Variants in RBFOX2 observed in about 807,000 individuals in gnomAD.
The protein encoded by RBFOX2 is RNA binding fox-1 homolog 2.
In RBFOX2, 10 loss-of-function variants were observed where a neutral mutation model predicts 49.1. That is an observed-to-expected ratio of 0.20 (90% CI 0.13 to 0.35). The LOEUF is 0.35. Ranked by LOEUF, RBFOX2 falls within the 10% of genes least tolerant of loss-of-function variation. The pLI, the probability that RBFOX2 is intolerant of heterozygous loss-of-function variation, is 1.00. For synonymous variants in RBFOX2, 183 were observed against 187.4 expected, an observed-to-expected ratio of 0.98 and a Z score of 0.19; for missense variants, 323 against 486.9, an observed-to-expected ratio of 0.66 and a Z score of 3.17.
intron 1 of RBFOX2, among the ~76,000 whole-genome samples, chr22:35,877,839 T>C (rs1205112059): frequency 6.6e-6 from 1 of 152,032 alleles, no homozygotes; most frequent in East Asian, 1.9e-4. Context: ...ATTCTATAGT[T>C]ACTAAGTATT....
chr22:35,776,731 A>T lies in RBFOX2; in HGVS notation c.453+1294T>A, dbSNP rs1193587822. ...TGACCAAATGAAAATTAACTAAAAA[A>T]TTGCTCTAACCTAACAAATGAAAGT... is the stretch of plus-strand genomic sequence containing the variant. On this transcript the variant is annotated intron_variant, in intron 4 of 11. Coordinates refer to ENST00000405409, the Ensembl canonical transcript of RBFOX2. Among the ~76,000 whole-genome samples the T allele has an allele frequency of 2.6e-5, 4 of 152,360 alleles. No individual in the cohort carries two copies. In the East Asian group the frequency reaches 7.7e-4, roughly 29 times the overall value.
At chr22:35,941,680 C>T (rs1020706139), upstream of RBFOX2, among the ~76,000 whole-genome samples, 12 of 152,110 alleles carry the variant, frequency 7.9e-5, no homozygotes, top group African/African-American at 2.9e-4. Flanking sequence ...TCCCAGAGGA[C>T]ATCCCACATA....
chr22:35,915,312 C>T (rs1373819771), intron 1 of RBFOX2, among the ~76,000 whole-genome samples: 1 of 152,146 alleles, frequency 6.6e-6, no homozygotes, highest in African/African-American at 2.4e-5. Context: ...AGGACGGGGC[C>T]ACTTAACTAA....
rs1208254230 is a variant in RBFOX2 at position 35,882,192 on chromosome 22, G to C, written c.-34+56655C>G. On this transcript the variant is annotated intron_variant, in intron 1 of 13. Transcript: ENST00000359369. The stretch of plus-strand genomic sequence containing the variant: ...CTGAGTACAAACTTCCAAAGAGGTG[G>C]GAAGAAAATCAGGAAAGTATGATGT... 2.6e-5 allele frequency among the ~76,000 whole-genome samples: 4 copies of C among 152,190 alleles called. No homozygotes were observed. The East Asian group carries it at 7.7e-4, about 29-fold the overall frequency.
intron 1 of RBFOX2, among the ~76,000 whole-genome samples, chr22:35,908,144 C>T (rs960779623): frequency 5.3e-5 from 8 of 152,156 alleles, no homozygotes; most frequent in Non-Finnish European, 1.5e-5. Flanking sequence ...AAAATTTTAA[C>T]TTAACCATTC....
intron 1 of RBFOX2, among the ~76,000 whole-genome samples, chr22:35,918,337 G>A (rs1473371536): frequency 3.3e-5 from 5 of 152,134 alleles, no homozygotes; most frequent in Non-Finnish European, 7.3e-5. Flanking sequence ...GTAATTAACA[G>A]GAATCAACAG....
upstream of RBFOX2, among the ~76,000 whole-genome samples, chr22:35,845,201 G>A (rs138484601): frequency 1.5e-3 from 233 of 152,196 alleles, 4 homozygotes; most frequent in East Asian, 4.6e-3. Context: ...CTAACTAAGT[G>A]TAAATAACAA....
intron 2 of RBFOX2, among the ~76,000 whole-genome samples, chr22:35,804,127 A>C (rs975556895): frequency 1.3e-5 from 2 of 152,054 alleles, no homozygotes; most frequent in Admixed American, 6.5e-5. Context: ...AAAATACAAA[A>C]ATGAGCTGGG....
intron 1 of RBFOX2, among the ~76,000 whole-genome samples, chr22:35,974,862 C>G (rs547826635): frequency 1.3e-5 from 2 of 152,250 alleles, no homozygotes; most frequent in Non-Finnish European, 2.9e-5. Context: ...CCTGCAGCCT[C>G]ATCTTTTCCC....
chr22:35,833,857 A>G (rs1160452792), intron 1 of RBFOX2, among the ~76,000 whole-genome samples: 1 of 152,146 alleles, frequency 6.6e-6, no homozygotes, highest in Non-Finnish European at 1.5e-5. Flanking sequence ...CACTTAAGAC[A>G]ATGCTTAATG....
At chr22:35,767,267 T>C (rs1003966080) in intron 5 of RBFOX2, among the ~76,000 whole-genome samples, 1 of 152,184 alleles carries the variant, frequency 6.6e-6, no homozygotes, top group African/African-American at 2.4e-5. Context: ...TCACATTTTG[T>C]AGTGTTAATG....
Position 35,744,083 on chromosome 22 carries a change from T to TG in RBFOX2, c.*111_*112insC, listed in dbSNP as rs1297855332. On this transcript the variant is annotated 3_prime_UTR_variant, in exon 12 of 12. Transcript: ENST00000405409. Reference sequence around the variant, plus strand: ...GTATTCTTTCTTTTTTTGTGTTTTTTTTTGTTTGTTTGTTTGTTTTTCCTC... The same window carrying TG: ...GTATTCTTTCTTTTTTTGTGTTTTTTGTTTGTTTGTTTGTTTGTTTTTCCTC... 9.0e-5 allele frequency: 75 copies of TG among 832,030 alleles called. No individual in the cohort carries two copies. The East Asian group carries it at 1.7e-3, about 19-fold the overall frequency. The allele number at this position is 832,030 out of a possible 1,614,324, so 51.5% of individuals were successfully genotyped here. A position where few individuals can be genotyped will look rare whatever the true frequency, so the allele number is the denominator to read the frequency against.
upstream of RBFOX2, chr22:35,961,755 C>A (rs996064429): frequency 8.3e-7 from 1 of 1,202,978 alleles, no homozygotes; most frequent in Non-Finnish European, 1.1e-6. Flanking sequence ...CCACACCACC[C>A]GCCCCAAAAA....
At chr22:35,935,228 A>G (rs2052922290) in intron 1 of RBFOX2, among the ~76,000 whole-genome samples, 1 of 152,168 alleles carries the variant, frequency 6.6e-6, no homozygotes, top group African/African-American at 2.4e-5. Flanking sequence ...AAGCCACTGC[A>G]CTTGGTCCTG....
chr22:35,783,289 G>C (rs1945605866), intron 2 of RBFOX2, among the ~76,000 whole-genome samples: 1 of 152,196 alleles, frequency 6.6e-6, no homozygotes, highest in Non-Finnish European at 1.5e-5. Flanking sequence ...CCTGGACTCA[G>C]ATCTCCCAAA....
intron 1 of RBFOX2, among the ~76,000 whole-genome samples, chr22:35,882,352 T>C (rs767884172): frequency 4.6e-5 from 7 of 152,220 alleles, no homozygotes; most frequent in Non-Finnish European, 8.8e-5. Context: ...TACTGGCAAC[T>C]TGGACTAGAG....
chr22:35,800,847 A>G (rs1300792371), intron 2 of RBFOX2, among the ~76,000 whole-genome samples: 1 of 152,254 alleles, frequency 6.6e-6, no homozygotes, highest in East Asian at 1.9e-4. Flanking sequence ...ATCACAATTT[A>G]TATGTTACAT....
chr22:35,915,565 A>T (rs2050318817), intron 1 of RBFOX2, among the ~76,000 whole-genome samples: 1 of 152,206 alleles, frequency 6.6e-6, no homozygotes, highest in South Asian at 2.1e-4. Context: ...GGAGCTGCTG[A>T]AAAGTGCATT....
chr22:35,978,961 C>T (rs2057329836), intron 1 of RBFOX2, among the ~76,000 whole-genome samples: 1 of 152,078 alleles, frequency 6.6e-6, no homozygotes, highest in South Asian at 2.1e-4. Context: ...TACCTTTCCA[C>T]AAGACAATAA....
Sources: gnomAD v4.1 joint callset for allele counts (sites outside exome capture counted in the v4.1 genomes callset) on GRCh38, gnomAD v4.1.1 for gene constraint, MANE v1.5 for transcripts, NCBI Gene and HGNC (gene_info 2026-07-23, HGNC 2026-07-21) for gene names.